The following NOC2L variants were observed in gnomAD, a reference collection of about 807,000 sequenced individuals.
NOC2L encodes nucleolar complex protein 2 homolog.
In NOC2L, 101 loss-of-function variants were observed where a neutral mutation model predicts 94.2. That is an observed-to-expected ratio of 1.07 (90% CI 0.91 to 1.26). The LOEUF is 1.26. NOC2L is among the 50% of genes most tolerant of loss of function. The probability of loss-of-function intolerance (pLI) is 0.00; values close to 1 mark genes in which losing one functional copy is unlikely to be tolerated. For missense variants in NOC2L, 1,076 were observed against 980.1 expected, an observed-to-expected ratio of 1.10 and a Z score of -1.31; for synonymous variants, 531 against 413.4, an observed-to-expected ratio of 1.28 and a Z score of -3.45.
rs762248835 is a variant in NOC2L, at chr1:959,221, C to G, written c.20G>C (p.Arg7Pro). The G allele has an allele frequency of 1.4e-5, 22 of 1,607,118 alleles. No individual in the cohort carries two copies. The highest frequency in any genetic ancestry group is 1.8e-5 in the Non-Finnish European group (21 of 1,177,634). Residue 7 changes from arginine to proline, a missense_variant, in exon 1 of 19, where the codon CGC becomes CCC. Around this residue, in one of 3 missense-constraint regions of NOC2L, gnomAD observed 457 missense variants for 386.0 expected, o/e 1.18. Coordinates refer to ENST00000327044, the MANE Select transcript of NOC2L (RefSeq NM_015658.4). The part of the protein sequence containing the change: MAAAGS[R>P]KRRLAELTVD... ...CCTCGGACCCGCGGCTTACCTCTTGCGGCTCCCCGCAGCTGCCATGACACC... is the reference window on the plus strand; with the variant it reads ...CCTCGGACCCGCGGCTTACCTCTTGGGGCTCCCCGCAGCTGCCATGACACC...
rs1557614036 is a variant in NOC2L at position 944,820 on chromosome 1, C to T, written c.2144-20G>A. The T allele has an allele frequency of 3.3e-6, 5 of 1,507,888 alleles. No individual in the cohort carries two copies. The highest frequency in any genetic ancestry group is 1.4e-5 in the African/African-American group (1 of 71,954). 93.4% of individuals were successfully genotyped at this position (1,507,888 alleles called of 1,614,324 possible). The stretch of plus-strand genomic sequence containing the variant: ...CTCCATCTGCGGGGAGAGATGGAGG[C>T]TACATAAATTTTGCTTTATCAGGAA... On this transcript the variant is annotated intron_variant, in intron 18 of 18. Transcript: ENST00000327044.
Position 952,028 on chromosome 1 carries a change from G to A in NOC2L, c.1303C>T (p.Leu435Phe), listed in dbSNP as rs925598717. The part of the protein sequence containing the change: ...SEALQPLVYP[L>F]AQVIIGCIKL... ...ATACAGCCAATGATGACTTGGGCAA[G>A]GGGGTAGACCAAGGGCTGGAGGGCT... is the stretch of plus-strand genomic sequence containing the variant. Residue 435 changes from leucine (L) to phenylalanine (F), a missense_variant, in exon 11 of 19, where the codon CTT (leucine) becomes TTT (phenylalanine). Physicochemically the swap from Leu to Phe is conservative, Grantham distance 22. This residue lies in a region of NOC2L where 615 missense variants were observed against 577.4 expected (regional missense o/e 1.07). Transcript: ENST00000327044. The A allele has an allele frequency of 2.5e-6, 4 of 1,613,226 alleles. No individual in the cohort carries two copies. Among genetic ancestry groups the A allele is most frequent in the South Asian group, 2.2e-5 (2 of 91,066 alleles).
intron 2 of NOC2L, 32 bp from the exon 3 acceptor site, chr1:957,305 G>A (rs750183271): frequency 8.1e-6 from 13 of 1,608,568 alleles, no homozygotes; most frequent in East Asian, 2.2e-5. Flanking sequence ...ACCCCAGTGG[G>A]AAGTGGAAGT....
intron 12 of NOC2L, among the ~76,000 whole-genome samples, chr1:950,261 GCACA>G (rs1289465752): frequency 5.3e-5 from 8 of 151,530 alleles, no homozygotes; most frequent in Non-Finnish European, 1.2e-4. Flanking sequence ...GCACACAAGT[GCACA>G]CAGACACGTG....
At position 944,294 on chromosome 1, in the gene NOC2L, A is replaced by G; in HGVS notation, c.*400T>C. On this transcript the variant is annotated 3_prime_UTR_variant, in exon 19 of 19. Coordinates refer to ENST00000327044, the MANE Select transcript of NOC2L (RefSeq NM_015658.4). ...TAAAAGAAAATGTGACTTCAAAGGAAAGGAACAAATTTTCAAAGACTTGGG... is the reference window on the plus strand; with the variant it reads ...TAAAAGAAAATGTGACTTCAAAGGAGAGGAACAAATTTTCAAAGACTTGGG... 2 of 1,417,550 alleles carry G rather than the reference A, an allele frequency of 1.4e-6. No homozygotes were observed. Among genetic ancestry groups the G allele is most frequent in the South Asian group, 3.4e-5 (2 of 58,478 alleles). The allele number at this position is 1,417,550 out of a possible 1,614,324, so 87.8% of individuals were successfully genotyped here.
rs935400228 is a variant in NOC2L, at chr1:956,192, G to C, written c.510C>G (p.Phe170Leu). ...AAKQRLTPKL[F>L]HEVVQAFRAA... The stretch of plus-strand genomic sequence containing the variant: ...CTCGGAACGCCTGTACCACTTCATG[G>C]AACAGCTTTGGAGTGAGGCGTTGCT... The change falls in exon 5 of 19, where the codon TTC (phenylalanine) becomes TTG (leucine). Residue 170 changes from phenylalanine (F) to leucine (L), a missense_variant. Transcript: ENST00000327044. 1 of 1,613,838 alleles carries C rather than the reference G, an allele frequency of 6.2e-7. No homozygotes were observed. Among genetic ancestry groups the C allele is most frequent in the Non-Finnish European group, 8.5e-7 (1 of 1,180,022 alleles).
At chr1:951,363 C>T in intron 11 of NOC2L, 125 bp from the exon 12 acceptor site, 1 of 737,778 alleles carries the variant, frequency 1.4e-6, no homozygotes, top group Non-Finnish European at 2.3e-6. Flanking sequence ...CAAGGCACGT[C>T]TGAACCCCAG....
chr1:959,235 T>C lies in NOC2L; in HGVS notation c.6A>G (p.Ala2=), dbSNP rs781268898. 3.1e-6 allele frequency: 5 copies of C among 1,606,988 alleles called. No homozygotes were observed. Among genetic ancestry groups the C allele is most frequent in the African/African-American group, 2.7e-5 (2 of 74,718 alleles). Residue 2 remains alanine, a synonymous_variant, in exon 1 of 19, where the codon GCA becomes GCG. Transcript: ENST00000327044. M[A]AAGSRKRRLA... is the part of the protein sequence containing the mutation. ...CTTACCTCTTGCGGCTCCCCGCAGC[T>C]GCCATGACACCAACCCGAAGCGTGC...
In NOC2L at chr1:946,194, C is replaced by T. The variant is rs750994097; in HGVS notation, c.1896G>A (p.Leu632=). 3.1e-6 allele frequency: 5 copies of T among 1,612,716 alleles called. No homozygotes were observed. Among genetic ancestry groups the T allele is most frequent in the Non-Finnish European group, 3.4e-6 (4 of 1,179,100 alleles). The part of the protein sequence containing the change: ...WRKLRDREIQ[L]EISGKERLED... ...GCACCCGCTCTTTGCCACTGATCTCCAGCTGGATCTCCCGGTCACGCAGCT... is the reference window on the plus strand; with the variant it reads ...GCACCCGCTCTTTGCCACTGATCTCTAGCTGGATCTCCCGGTCACGCAGCT... Residue 632 remains leucine (L), a synonymous_variant, in exon 16 of 19, where the codon CTG becomes CTA. Transcript: ENST00000327044.
intron 17 of NOC2L, 41 bp from the exon 18 acceptor site, chr1:945,187 A>G (rs1334277127): frequency 3.9e-6 from 6 of 1,552,478 alleles, no homozygotes; most frequent in Non-Finnish European, 4.4e-6. Context: ...TCCCACCCAC[A>G]GGGTCCACCA....
chr1:953,104 G>T, intron 9 of NOC2L, 71 bp downstream of exon 9: 2 of 1,125,804 alleles, frequency 1.8e-6, no homozygotes, highest in Middle Eastern at 2.1e-4. Context: ...CACAAAGGCA[G>T]CCCGCCCTGC....
In NOC2L at chr1:945,606, G is replaced by C; in HGVS notation, c.1965C>G (p.Asp655Glu). The C allele has an allele frequency of 6.2e-7, 1 of 1,614,164 alleles. No individual in the cohort carries two copies. The change falls in exon 17 of 19, where the codon GAC becomes GAG. Residue 655 changes from aspartate to glutamate, a missense_variant. Transcript: ENST00000327044. Reference protein sequence around the residue: ...FPEIKRRKMADRKDEDRKQFK... With the variant: ...FPEIKRRKMAERKDEDRKQFK... ...ATTGCTTCCTGTCCTCATCCTTCCT[G>C]TCAGCCATCTTCCTTCGTTTGATCT...
intron 12 of NOC2L, 124 bp downstream of exon 12, chr1:951,003 C>G: frequency 1.3e-6 from 1 of 742,026 alleles, no homozygotes; most frequent in South Asian, 1.6e-5. Flanking sequence ...TCGTGACACC[C>G]GTGACAAGGA....
At chr1:958,761 C>A (rs1208707085) in intron 2 of NOC2L, 168 bp downstream of exon 2, 2 of 756,812 alleles carry the variant, frequency 2.6e-6, no homozygotes, top group East Asian at 2.7e-5. Context: ...TGGCACGGAA[C>A]AGGAGCTCAG....
intron 6 of NOC2L, 72 bp from the exon 7 acceptor site, chr1:954,154 G>T: frequency 6.9e-7 from 1 of 1,448,686 alleles, no homozygotes; most frequent in Non-Finnish European, 9.6e-7. Context: ...GCATGTTGGC[G>T]CGTGCCCTGG....
chr1:950,751 C>T (rs561863524), intron 12 of NOC2L, among the ~76,000 whole-genome samples: 7 of 152,348 alleles, frequency 4.6e-5, no homozygotes, highest in Non-Finnish European at 2.9e-5. Context: ...GATGTACACA[C>T]ATCCCCCATA....
At chr1:950,280 T>C (rs755793180) in intron 12 of NOC2L, among the ~76,000 whole-genome samples, 2 of 151,372 alleles carry the variant, frequency 1.3e-5, no homozygotes, top group Non-Finnish European at 2.9e-5. Flanking sequence ...CACGTGTGTA[T>C]GCACATAGGT....
rs769635329 is a variant in NOC2L, at chr1:959,209, G to C, written c.26+6C>G. 1 of 1,609,926 alleles carries C rather than the reference G, an allele frequency of 6.2e-7. No homozygotes were observed. The highest frequency in any genetic ancestry group is 1.1e-5 in the South Asian group (1 of 90,796). ...GGCCAAATCGGCCCTCGGACCCGCG[G>C]CTTACCTCTTGCGGCTCCCCGCAGC... is the stretch of plus-strand genomic sequence containing the variant. On this transcript the variant is annotated splice_donor_region_variant and intron_variant, in intron 1 of 18. Coordinates refer to ENST00000327044, the MANE Select transcript of NOC2L (RefSeq NM_015658.4).
intron 14 of NOC2L, 66 bp from the exon 15 acceptor site, chr1:946,611 C>G (rs1642125594): frequency 6.4e-7 from 1 of 1,570,186 alleles, no homozygotes; most frequent in East Asian, 2.3e-5. Flanking sequence ...GGCCCAGGTC[C>G]TGTGCAAAAC....
Sources: allele counts gnomAD v4.1 joint callset (sites outside exome capture counted in the v4.1 genomes callset), GRCh38; gene constraint gnomAD v4.1.1; regional missense constraint gnomAD v4.1.1; transcripts MANE v1.5; gene names NCBI Gene and HGNC (gene_info 2026-07-23, HGNC 2026-07-21).